SORBS2: variants seen among roughly 807,000 people sequenced by gnomAD.
SORBS2 encodes sorbin and SH3 domain containing 2, also known as sorbin and SH3 domain-containing protein 2.
A neutral mutation model predicts 97.7 loss-of-function variants in SORBS2; 46 were observed. The ratio of observed to expected loss-of-function variants is 0.47; its 90% confidence interval spans 0.37 to 0.60. The LOEUF (loss-of-function observed/expected upper bound fraction) is 0.60. Ranked by LOEUF, SORBS2 falls within the 20% of genes least tolerant of loss-of-function variation. The pLI, the probability that SORBS2 is intolerant of heterozygous loss-of-function variation, is 0.00. For synonymous variants in SORBS2, 476 were observed against 473.4 expected (o/e 1.01, Z -0.07); for missense variants, 1,316 against 1,282.3 (o/e 1.03, Z -0.40).
intron 1 of SORBS2, among the ~76,000 whole-genome samples, chr4:185,809,051 C>T (rs1457236364): frequency 1.3e-5 from 2 of 152,040 alleles, no homozygotes. Context: ...GCCATATTTT[C>T]AAATCAGAAA....
At chr4:185,678,724 C>T (rs774886445) in intron 3 of SORBS2, 72 bp downstream of exon 6, 25 of 1,168,500 alleles carry the variant, frequency 2.1e-5, no homozygotes, top group South Asian at 9.7e-5. Flanking sequence ...ATGAAGTCAG[C>T]GATGTGGCTA....
intron 2 of SORBS2, among the ~76,000 whole-genome samples, chr4:185,679,753 T>C (rs2097845003): frequency 6.6e-6 from 1 of 152,206 alleles, no homozygotes; most frequent in Non-Finnish European, 1.5e-5. Flanking sequence ...CATTATTAGA[T>C]TCCCATTTCA....
chr4:185,799,528 C>T (rs147050918), intron 1 of SORBS2, among the ~76,000 whole-genome samples: 34 of 152,320 alleles, frequency 2.2e-4, no homozygotes, highest in African/African-American at 7.7e-4. Context: ...ACACTTCACA[C>T]GAATTGTAGT....
chr4:185,881,337 T>C (rs1419979114), intron 1 of SORBS2, among the ~76,000 whole-genome samples: 1 of 152,136 alleles, frequency 6.6e-6, no homozygotes, highest in Non-Finnish European at 1.5e-5. Context: ...GAAGAAACTA[T>C]TATAGCACCA....
At position 185,611,857 on chromosome 4, in the gene SORBS2, C is replaced by A. The variant is rs754689880; in HGVS notation, c.2719G>T (p.Gly907Cys). 9.9e-6 allele frequency: 16 copies of A among 1,613,904 alleles called. No individual in the cohort carries two copies. Among genetic ancestry groups the A allele is most frequent in the East Asian group, 4.5e-5 (2 of 44,878 alleles). Residue 907 changes from glycine to cysteine, a missense_variant, in exon 12 of 15, where the codon GGT becomes TGT. Gly to Cys is a radical substitution (Grantham distance 159). Transcript: ENST00000418609. ...GGAGGGTCAGGGTAGTCCTCAGCAC[C>A]TTTTGTGTTCTTCTTGACGACCTCC... is the stretch of plus-strand genomic sequence containing the variant.
chr4:185,727,654 A>G (rs1332323547), intron 2 of SORBS2, among the ~76,000 whole-genome samples: 1 of 152,250 alleles, frequency 6.6e-6, no homozygotes, highest in Non-Finnish European at 1.5e-5. Context: ...AGCCCTATTT[A>G]TCAAGGTTAT....
upstream of SORBS2, chr4:185,657,737 T>A: frequency 1.3e-6 from 1 of 765,772 alleles, no homozygotes; most frequent in Non-Finnish European, 2.0e-6. Context: ...TTACTTTCCA[T>A]CTGAGCTGGT....
intron 1 of SORBS2, among the ~76,000 whole-genome samples, chr4:185,840,055 CAG>C (rs1187105221): frequency 6.6e-6 from 1 of 152,196 alleles, no homozygotes; most frequent in African/African-American, 2.4e-5. Context: ...CAGCTCCACG[CAG>C]AGTTTCACCC....
At chr4:185,812,559 T>G (rs1194810915) in intron 1 of SORBS2, among the ~76,000 whole-genome samples, 2 of 152,238 alleles carry the variant, frequency 1.3e-5, no homozygotes, top group African/African-American at 4.8e-5. Context: ...TAAGAGACCC[T>G]AACTGGAAGC....
At chr4:185,669,420 G>C (rs1395117976) in intron 4 of SORBS2, among the ~76,000 whole-genome samples, 3 of 152,156 alleles carry the variant, frequency 2.0e-5, no homozygotes, top group African/African-American at 7.2e-5. Context: ...ATGACCTTTA[G>C]TTCGCTCATA....
chr4:185,901,011 C>T (rs553161070), intron 1 of SORBS2, among the ~76,000 whole-genome samples: 1 of 152,190 alleles, frequency 6.6e-6, no homozygotes, highest in East Asian at 1.9e-4. Context: ...TTGCATGAAA[C>T]AAGGTAGATA....
intron 1 of SORBS2, among the ~76,000 whole-genome samples, chr4:185,655,406 G>A (rs1394308912): frequency 6.6e-6 from 1 of 152,194 alleles, no homozygotes; most frequent in African/African-American, 2.4e-5. Flanking sequence ...GCCTGCTGTG[G>A]CTCAGAGACA....
intron 1 of SORBS2, among the ~76,000 whole-genome samples, chr4:185,955,771 CT>C (rs1207444154): frequency 3.9e-5 from 6 of 152,170 alleles, no homozygotes; most frequent in African/African-American, 1.2e-4. Flanking sequence ...AATGCTCTTT[CT>C]CTACCTTTGA....
chr4:185,941,410 T>C (rs2099271941), intron 1 of SORBS2, among the ~76,000 whole-genome samples: 1 of 152,202 alleles, frequency 6.6e-6, no homozygotes, highest in African/African-American at 2.4e-5. Flanking sequence ...TTCCCACTAA[T>C]ATACTATCTC....
Position 185,736,798 on chromosome 4 carries a change from C to A in SORBS2, c.-198+38429G>T, listed in dbSNP as rs181874538. On this transcript the variant is annotated intron_variant, in intron 2 of 20. Transcript: ENST00000284776. ...GCAGAGGGGAAAGACATCATCCACA[C>A]AACATCCCACCCTCAGCAGGGACTT... Among the ~76,000 whole-genome samples, 4 of 152,286 alleles carry A rather than the reference C, an allele frequency of 2.6e-5. No individual in the cohort carries two copies. The East Asian group carries it at 7.7e-4, about 29-fold the overall frequency.
At chr4:185,856,596 T>G (rs1159802168) in intron 1 of SORBS2, among the ~76,000 whole-genome samples, 2 of 152,162 alleles carry the variant, frequency 1.3e-5, no homozygotes, top group Non-Finnish European at 2.9e-5. Flanking sequence ...CTATTTTCCT[T>G]TACTATGGCT....
chr4:185,811,041 C>CA (rs755854742), intron 1 of SORBS2: 1 of 152,170 alleles, frequency 6.6e-6, no homozygotes, highest in East Asian at 1.9e-4. Flanking sequence ...GCCAGCAAGG[C>CA]ATGCAGATAC....
intron 1 of SORBS2, among the ~76,000 whole-genome samples, chr4:185,951,793 C>G (rs1221492554): frequency 6.6e-6 from 1 of 152,192 alleles, no homozygotes; most frequent in Non-Finnish European, 1.5e-5. Flanking sequence ...AGCTTGGTAG[C>G]TCAGTGTGCA....
At chr4:185,880,344 T>C (rs943355963) in intron 1 of SORBS2, among the ~76,000 whole-genome samples, 1 of 152,208 alleles carries the variant, frequency 6.6e-6, no homozygotes, top group African/African-American at 2.4e-5. Flanking sequence ...AGAGGGGTGA[T>C]ATGGTTAGCA....
Sources: allele counts gnomAD v4.1 joint callset (sites outside exome capture counted in the v4.1 genomes callset), GRCh38; gene constraint gnomAD v4.1.1; transcripts MANE v1.5; gene names NCBI Gene and HGNC (gene_info 2026-07-23, HGNC 2026-07-21).